Variants in C2orf68 observed in about 807,000 individuals in gnomAD.
C2orf68 encodes UPF0561 protein C2orf68.
A neutral mutation model predicts 19.1 loss-of-function variants in C2orf68; 15 were observed. The observed-to-expected ratio is 0.79, with a 90% CI of 0.53 to 1.21. The LOEUF is 1.21. Among genes scored for constraint, C2orf68 ranks in the 50% most tolerant of loss-of-function variants. The pLI is 0.00. For synonymous variants in C2orf68, 98 were observed against 91.0 expected, an observed-to-expected ratio of 1.08 and a Z score of -0.44; for missense variants, 242 against 226.6, an observed-to-expected ratio of 1.07 and a Z score of -0.44.
chr2:85,611,599 C>T, intron 2 of C2orf68, 69 bp downstream of exon 2: 1 of 1,553,894 alleles, frequency 6.4e-7, no homozygotes, highest in Non-Finnish European at 8.7e-7. Flanking sequence ...TGGTTTTTCC[C>T]TATAGAGAAG....
rs980060729 is a variant in C2orf68 at position 85,611,423 on chromosome 2, G to A, written c.226+245C>T. 90 of 1,513,720 alleles carry A rather than the reference G, an allele frequency of 5.9e-5. 1 individual carries two copies. Among genetic ancestry groups the A allele is most frequent in the Non-Finnish European group, 9.7e-6 (11 of 1,131,926 alleles). The allele number at this position is 1,513,720 out of a possible 1,614,324, so 93.8% of individuals were successfully genotyped here. Reference sequence around the variant, plus strand: ...AAAATACAGCACGGTGGGGCAAACCGGCAGATAAACTTCTTGCTGGCTCCC... The same window carrying A: ...AAAATACAGCACGGTGGGGCAAACCAGCAGATAAACTTCTTGCTGGCTCCC... On this transcript the variant is annotated intron_variant, in intron 2 of 3. Coordinates refer to ENST00000306336, the MANE Select transcript of C2orf68 (RefSeq NM_001013649.4).
At position 85,607,696 on chromosome 2, in the gene C2orf68, G is replaced by A. The variant is rs1673267933; in HGVS notation, c.*1249C>T. ...ACACCCGGATGTGGAGAAACCCCTG[G>A]GGCAAGGGCCTATGGTTTCAGGAAA... On this transcript the variant is annotated 3_prime_UTR_variant, in exon 4 of 4. Coordinates refer to ENST00000306336, the MANE Select transcript of C2orf68 (RefSeq NM_001013649.4). The A allele has an allele frequency of 4.6e-5, 7 of 152,206 alleles. No individual in the cohort carries two copies. Among genetic ancestry groups the A allele is most frequent in the Admixed American group, 3.9e-4 (6 of 15,274 alleles). The allele number at this position is 152,206 out of a possible 1,614,324, so 9.4% of individuals were successfully genotyped here.
rs1179701379 is a variant in C2orf68, at chr2:85,612,006, C to G, written c.-22G>C. On this transcript the variant is annotated 5_prime_UTR_variant, in exon 1 of 4. Coordinates refer to ENST00000306336, the MANE Select transcript of C2orf68 (RefSeq NM_001013649.4). ...CCATCAGGAGCCGGGGACGCAGAGT[C>G]GCCGCCGCCTCGACGGCCCCAACAA... 5.4e-6 allele frequency: 8 copies of G among 1,483,226 alleles called. No individual in the cohort carries two copies. Among genetic ancestry groups the G allele is most frequent in the Non-Finnish European group, 7.1e-6 (8 of 1,121,274 alleles). The allele number at this position is 1,483,226 out of a possible 1,614,324, so 91.9% of individuals were successfully genotyped here.
At chr2:85,611,548 C>T in intron 2 of C2orf68, 120 bp downstream of exon 2, 2 of 1,551,010 alleles carry the variant, frequency 1.3e-6, no homozygotes, top group South Asian at 1.2e-5. Flanking sequence ...GGTGGAGGTT[C>T]CGGAAAGAGA....
intron 1 of C2orf68, 42 bp downstream of exon 1, chr2:85,611,836 G>C: frequency 1.2e-6 from 2 of 1,603,698 alleles, no homozygotes; most frequent in Admixed American, 3.4e-5. Flanking sequence ...GGCCAGGCCA[G>C]GCCAGGAGTG....
chr2:85,610,558 A>C (rs1316088607), intron 2 of C2orf68: 1 of 152,186 alleles, frequency 6.6e-6, no homozygotes, highest in African/African-American at 2.4e-5. Context: ...TGTGAAACAG[A>C]CAGAAGCTTT....
Position 85,611,987 on chromosome 2 carries a change from G to C in C2orf68, c.-3C>G. On this transcript the variant is annotated 5_prime_UTR_variant, in exon 1 of 4. Coordinates refer to ENST00000306336, the MANE Select transcript of C2orf68 (RefSeq NM_001013649.4). ...CGGGGATGCGGCCCCGCCTCCATCA[G>C]GAGCCGGGGACGCAGAGTCGCCGCC... is the stretch of plus-strand genomic sequence containing the variant. The C allele has an allele frequency of 6.5e-7, 1 of 1,527,292 alleles. No individual in the cohort carries two copies. The highest frequency in any genetic ancestry group is 8.7e-7 in the Non-Finnish European group (1 of 1,149,484). 94.6% of individuals were successfully genotyped at this position (1,527,292 alleles called of 1,614,324 possible). A position where few individuals can be genotyped will look rare whatever the true frequency, so the allele number is the denominator to read the frequency against.
chr2:85,609,679 A>G (rs1026931923), intron 2 of C2orf68, 93 bp from the exon 3 acceptor site: 8 of 1,490,462 alleles, frequency 5.4e-6, no homozygotes, highest in Non-Finnish European at 7.3e-6. Context: ...CGGTTAGGAA[A>G]GCCCCAGTCT....
In C2orf68 at chr2:85,609,586, T is replaced by C. The variant is rs1328273696; in HGVS notation, c.227A>G (p.Asp76Gly). The change falls in exon 3 of 4, where the codon GAT becomes GGT. Residue 76 changes from aspartate (D) to glycine (G), a missense_variant and splice_region_variant. By Grantham distance (94) the Asp-to-Gly change is moderately conservative. Coordinates refer to ENST00000306336, the MANE Select transcript of C2orf68 (RefSeq NM_001013649.4). The part of the protein sequence containing the change: ...DLQVYLPRHR[D>G]VSAHPRNPDY... ...TGGGTTGCGTGGGTGGGCAGAGACA[T>C]CTGGAAGGATGAACCACAGTAAGAA... is the stretch of plus-strand genomic sequence containing the variant. The C allele has an allele frequency of 2.5e-6, 4 of 1,614,070 alleles. No homozygotes were observed. Among genetic ancestry groups the C allele is most frequent in the Non-Finnish European group, 3.4e-6 (4 of 1,180,008 alleles).
chr2:85,609,431 G>A lies in C2orf68; in HGVS notation c.378+4C>T. ...CAGGCTGCAGCTGTTTCCACCAGGC[G>A]TACCTGATAGACGATAACTGATGTG... On this transcript the variant is annotated splice_donor_region_variant and intron_variant, in intron 3 of 3. Transcript: ENST00000306336. The A allele has an allele frequency of 1.2e-6, 2 of 1,613,866 alleles. No homozygotes were observed. The highest frequency in any genetic ancestry group is 1.1e-5 in the South Asian group (1 of 91,044).
At chr2:85,611,443 G>C in intron 2 of C2orf68, 1 of 1,529,492 alleles carries the variant, frequency 6.5e-7, no homozygotes, top group East Asian at 2.5e-5. Flanking sequence ...CTTCTTGCTG[G>C]CTCCCCGATA....
At position 85,606,066 on chromosome 2, in the gene C2orf68, T is replaced by C. The variant is rs187050949; in HGVS notation, c.*2879A>G. On this transcript the variant is annotated 3_prime_UTR_variant, in exon 4 of 4. Coordinates refer to ENST00000306336, the MANE Select transcript of C2orf68 (RefSeq NM_001013649.4). The stretch of plus-strand genomic sequence containing the variant: ...TTCGTTCTATCAGTGACATCACCCA[T>C]TGTGGCCGAGGAACCACAAAACCTT... Among the ~76,000 whole-genome samples the C allele has an allele frequency of 7.3e-4, 111 of 152,358 alleles. No individual in the cohort carries two copies. The highest frequency in any genetic ancestry group is 2.5e-3 in the African/African-American group (104 of 41,586).
In C2orf68 at chr2:85,608,866, G is replaced by A; in HGVS notation, c.*79C>T. ...CTCAAGATCAGACAAACTGGTCCTG[G>A]TACCCCCACACTAAATTCCCTGGGC... On this transcript the variant is annotated 3_prime_UTR_variant, in exon 4 of 4. Coordinates refer to ENST00000306336, the MANE Select transcript of C2orf68 (RefSeq NM_001013649.4). 6.4e-7 allele frequency: 1 copy of A among 1,573,974 alleles called. No homozygotes were observed. The highest frequency in any genetic ancestry group is 8.7e-7 in the Non-Finnish European group (1 of 1,154,372).
chr2:85,608,828 C>A lies in C2orf68; in HGVS notation c.*117G>T. The A allele has an allele frequency of 7.1e-7, 1 of 1,411,786 alleles. No homozygotes were observed. Among genetic ancestry groups the A allele is most frequent in the Non-Finnish European group, 9.7e-7 (1 of 1,031,262 alleles). The allele number at this position is 1,411,786 out of a possible 1,614,324, so 87.5% of individuals were successfully genotyped here. A position where few individuals can be genotyped will look rare whatever the true frequency, so the allele number is the denominator to read the frequency against. ...GTCCTGCAACACCCTATGGATGCAG[C>A]AGCTCTGGGGGTCTCAAGATCAGAC... is the stretch of plus-strand genomic sequence containing the variant. On this transcript the variant is annotated 3_prime_UTR_variant, in exon 4 of 4. Transcript: ENST00000306336.
intron 2 of C2orf68, chr2:85,611,286 G>A (rs1673504395): frequency 2.1e-6 from 3 of 1,419,354 alleles, no homozygotes; most frequent in South Asian, 3.1e-5. Flanking sequence ...GTGATCTCTA[G>A]GTAGCAGAGA....
At position 85,609,047 on chromosome 2, in the gene C2orf68, C is replaced by T. The variant is rs761640978; in HGVS notation, c.399G>A (p.Val133=). The T allele has an allele frequency of 6.2e-7, 1 of 1,614,236 alleles. No individual in the cohort carries two copies. The highest frequency in any genetic ancestry group is 1.7e-5 in the Admixed American group (1 of 60,024). The change falls in exon 4 of 4, where the codon GTG becomes GTA. Residue 133 remains valine (V), a synonymous_variant. Transcript: ENST00000306336. ...GCGTGTGTGCCGACACCTTCTCACT[C>T]ACCTTTCCTGGGTCATCACCCTACG... ...IVYQGDDPGK[V]SEKVSAHTPL... is the part of the protein sequence containing the mutation.
rs779430615 is a variant in C2orf68, at chr2:85,608,317, C to T, written c.*628G>A. ...AATAGGCCTCAAAAATGGAGGTCTCCCACTTTATTGGTATCAGAATTACTT... is the reference window on the plus strand; with the variant it reads ...AATAGGCCTCAAAAATGGAGGTCTCTCACTTTATTGGTATCAGAATTACTT... On this transcript the variant is annotated 3_prime_UTR_variant, in exon 4 of 4. Coordinates refer to ENST00000306336, the MANE Select transcript of C2orf68 (RefSeq NM_001013649.4). The T allele has an allele frequency of 6.6e-6, 1 of 152,168 alleles. No homozygotes were observed. The highest frequency in any genetic ancestry group is 1.5e-5 in the Non-Finnish European group (1 of 68,060). The allele number at this position is 152,168 out of a possible 1,614,324, so 9.4% of individuals were successfully genotyped here. A position where few individuals can be genotyped will look rare whatever the true frequency, so the allele number is the denominator to read the frequency against.
chr2:85,609,169 C>T, intron 3 of C2orf68, 102 bp from the exon 4 acceptor site: 1 of 1,491,858 alleles, frequency 6.7e-7, no homozygotes, highest in Non-Finnish European at 9.0e-7. Flanking sequence ...TAGCTCAAGG[C>T]TTTTTGCCAG....
rs749503791 is a variant in C2orf68, at chr2:85,611,897, G to A, written c.88C>T (p.Arg30Ter). Residue 30 changes from arginine to a stop codon, truncating the protein, a stop_gained, in exon 1 of 4, where the codon CGA (arginine) becomes TGA (stop). Transcript: ENST00000306336. LOFTEE classifies it high-confidence loss of function. ...CGGTACCGAGCGATCTGGTTCCGTCGGATATGGTGCACGAAGCCGTGGTTC... is the reference window on the plus strand; with the variant it reads ...CGGTACCGAGCGATCTGGTTCCGTCAGATATGGTGCACGAAGCCGTGGTTC... ...DMNHGFVHHI[R>*]RNQIARDDYD... The A allele has an allele frequency of 6.3e-7, 1 of 1,595,266 alleles. No individual in the cohort carries two copies. The highest frequency in any genetic ancestry group is 1.7e-5 in the Admixed American group (1 of 59,268).
Sources: gnomAD v4.1 joint callset for allele counts (sites outside exome capture counted in the v4.1 genomes callset) on GRCh38, gnomAD v4.1.1 for gene constraint, MANE v1.5 for transcripts, NCBI Gene and HGNC (gene_info 2026-07-23, HGNC 2026-07-21) for gene names.